LOC400499: variants seen among roughly 807,000 people sequenced by gnomAD.
chr16:11,390,460 G>T, the LOC400499 span: 1 of 1,242,520 alleles, frequency 8.0e-7, no homozygotes, highest in African/African-American at 1.5e-5. Flanking sequence ...TGTGGCCAGG[G>T]GCCCTGCAAC....
the LOC400499 span, among the ~76,000 whole-genome samples, chr16:11,423,520 G>T: frequency 6.6e-6 from 1 of 152,226 alleles, no homozygotes; most frequent in African/African-American, 2.4e-5. Flanking sequence ...GGGAGGAGGT[G>T]GCAGATGAGG....
the LOC400499 span, among the ~76,000 whole-genome samples, chr16:11,445,025 G>A: frequency 6.6e-6 from 1 of 151,880 alleles, no homozygotes. Context: ...GGAGGACAAG[G>A]CTACAGTGAG....
At chr16:11,430,701 G>A in the LOC400499 span, among the ~76,000 whole-genome samples, 6 of 152,134 alleles carry the variant, frequency 3.9e-5, no homozygotes, top group Non-Finnish European at 4.4e-5. Context: ...CTAGTGTTAC[G>A]TCAAAATAAA....
chr16:11,412,239 G>C, the LOC400499 span, among the ~76,000 whole-genome samples: 1 of 152,130 alleles, frequency 6.6e-6, no homozygotes. Flanking sequence ...TCTCAGCCTT[G>C]GCACAGCTGA....
chr16:11,404,052 C>T, the LOC400499 span, among the ~76,000 whole-genome samples: 2 of 152,252 alleles, frequency 1.3e-5, no homozygotes, highest in Non-Finnish European at 2.9e-5. Flanking sequence ...TGGGGCCTTC[C>T]GCCTGAAGTG....
chr16:11,464,801 T>C, the LOC400499 span, among the ~76,000 whole-genome samples: 2 of 152,134 alleles, frequency 1.3e-5, no homozygotes, highest in Non-Finnish European at 2.9e-5. Flanking sequence ...GGCAGCTCTA[T>C]AGGGACCAGC....
the LOC400499 span, among the ~76,000 whole-genome samples, chr16:11,409,372 G>T: frequency 6.6e-6 from 1 of 152,128 alleles, no homozygotes; most frequent in South Asian, 2.1e-4. Flanking sequence ...GTCAAATTTG[G>T]CCCACAACCT....
the LOC400499 span, chr16:11,391,801 C>T: frequency 8.1e-7 from 1 of 1,232,208 alleles, no homozygotes; most frequent in Non-Finnish European, 1.0e-6. Flanking sequence ...GCCTCCCGCC[C>T]CGCCTGGGAC....
chr16:11,463,641 C>G, the LOC400499 span, among the ~76,000 whole-genome samples: 3 of 151,940 alleles, frequency 2.0e-5, no homozygotes, highest in African/African-American at 4.8e-5. Flanking sequence ...TATGTCTACA[C>G]GTGGATTGTG....
chr16:11,382,981 G>A, the LOC400499 span, among the ~76,000 whole-genome samples: 2 of 152,078 alleles, frequency 1.3e-5, no homozygotes, highest in Non-Finnish European at 1.5e-5. Flanking sequence ...GTACAAGCAC[G>A]CCTCCAGCAT....
the LOC400499 span, chr16:11,383,861 C>G: frequency 8.1e-7 from 1 of 1,232,042 alleles, no homozygotes; most frequent in Admixed American, 4.2e-5. Flanking sequence ...GCCTTCTGCA[C>G]CCCATGGGCC....
the LOC400499 span, chr16:11,469,639 G>A: frequency 7.5e-6 from 3 of 399,036 alleles, no homozygotes; most frequent in East Asian, 7.1e-5. Context: ...GACGTGGGCT[G>A]TGGCTTCTTG....
the LOC400499 span, among the ~76,000 whole-genome samples, chr16:11,451,302 A>G: frequency 6.6e-6 from 1 of 152,220 alleles, no homozygotes; most frequent in East Asian, 1.9e-4. Context: ...TTGGAAGGTC[A>G]AGCGCAGTGG....
chr16:11,511,543 A>C, the LOC400499 span, among the ~76,000 whole-genome samples: 1 of 152,242 alleles, frequency 6.6e-6, no homozygotes, highest in African/African-American at 2.4e-5. Context: ...TCATGCCACA[A>C]CATGGATGAA....
At chr16:11,408,980 G>A in the LOC400499 span, among the ~76,000 whole-genome samples, 3 of 151,954 alleles carry the variant, frequency 2.0e-5, no homozygotes, top group African/African-American at 4.8e-5. Flanking sequence ...ATGTTGGGGG[G>A]CCAGATGCAG....
the LOC400499 span, among the ~76,000 whole-genome samples, chr16:11,463,546 A>G: frequency 6.6e-6 from 1 of 152,208 alleles, no homozygotes; most frequent in Non-Finnish European, 1.5e-5. Flanking sequence ...GTAGACATGT[A>G]TGGACGTGTG....
chr16:11,401,898 C>T, the LOC400499 span: 4 of 397,814 alleles, frequency 1.0e-5, no homozygotes, highest in Non-Finnish European at 1.8e-5. Flanking sequence ...GCCTTTCCCA[C>T]AGTCCCTTGG....
chr16:11,383,120 C>T, the LOC400499 span, among the ~76,000 whole-genome samples: 1 of 151,060 alleles, frequency 6.6e-6, no homozygotes, highest in African/African-American at 2.4e-5. Context: ...GGCTAGAGTG[C>T]AGTGGTGCAG....
At chr16:11,492,023 G>C in the LOC400499 span, among the ~76,000 whole-genome samples, 4 of 152,074 alleles carry the variant, frequency 2.6e-5, no homozygotes, top group African/African-American at 7.3e-5. Flanking sequence ...AGGTAGCAGG[G>C]GTTCACTGAC....
Sources: gnomAD v4.1 joint callset for allele counts (sites outside exome capture counted in the v4.1 genomes callset) on GRCh38, gnomAD v4.1.1 for gene constraint, MANE v1.5 for transcripts.